Variants in NCKAP1 observed in about 807,000 individuals in gnomAD.
NCKAP1 encodes NCK associated protein 1.
NCKAP1 carries 21 observed loss-of-function variants against 151.2 expected under a neutral mutation model. That is an observed-to-expected ratio of 0.14 (90% CI 0.10 to 0.20). The LOEUF (loss-of-function observed/expected upper bound fraction) is 0.20. Ranked by LOEUF, NCKAP1 falls within the 10% of genes least tolerant of loss-of-function variation. The pLI is 1.00. For missense variants in NCKAP1, 933 were observed against 1,352.1 expected (o/e 0.69, Z 4.86); for synonymous variants, 484 against 451.8 (o/e 1.07, Z -0.90).
At chr2:182,931,810 T>C (rs1696770532) in intron 26 of NCKAP1, among the ~76,000 whole-genome samples, 1 of 152,126 alleles carries the variant, frequency 6.6e-6, no homozygotes, top group Non-Finnish European at 1.5e-5. Context: ...ATTTAAAATG[T>C]CAAAGGCTTT....
At chr2:183,017,380 C>T (rs1698712825) in intron 2 of NCKAP1, among the ~76,000 whole-genome samples, 1 of 152,150 alleles carries the variant, frequency 6.6e-6, no homozygotes. Flanking sequence ...ATGGTCCCAT[C>T]TGGGGGTGAT....
At chr2:183,011,841 A>G (rs1236282053) in intron 2 of NCKAP1, among the ~76,000 whole-genome samples, 1 of 152,210 alleles carries the variant, frequency 6.6e-6, no homozygotes, top group African/African-American at 2.4e-5. Context: ...AAAAGTACAG[A>G]TAAGTGAAGA....
chr2:182,969,917 C>A (rs140246369), intron 15 of NCKAP1, among the ~76,000 whole-genome samples: 1 of 150,954 alleles, frequency 6.6e-6, no homozygotes, highest in Non-Finnish European at 1.5e-5. Flanking sequence ...GAAAGAAGAC[C>A]CCAAAAAAAT....
Position 182,956,553 on chromosome 2 carries a change from A to C in NCKAP1, c.2062T>G (p.Ser688Ala), listed in dbSNP as rs746259459. 6.2e-7 allele frequency: 1 copy of C among 1,610,538 alleles called. No individual in the cohort carries two copies. Among genetic ancestry groups the C allele is most frequent in the Admixed American group, 1.7e-5 (1 of 59,594 alleles). ...ACCATGTTTGGTACATAATTTATAG[A>C]GAAGCATAACTCAGAAAGTGCAGTG... The part of the protein sequence containing the change: ...LHTALSELCF[S>A]INYVPNMVVW... The change falls in exon 20 of 31, where the codon TCT (serine) becomes GCT (alanine). Residue 688 changes from serine (S) to alanine (A), a missense_variant. Ser to Ala is a moderately conservative substitution (Grantham distance 99). Transcript: ENST00000361354.
At chr2:182,999,542 C>T (rs1698339010) in intron 6 of NCKAP1, among the ~76,000 whole-genome samples, 1 of 152,174 alleles carries the variant, frequency 6.6e-6, no homozygotes, top group African/African-American at 2.4e-5. Flanking sequence ...AATGCTTATA[C>T]ACTGTTGGTG....
rs1697590256 is a variant in NCKAP1, at chr2:182,967,242, C to T, written c.1602G>A (p.Val534=). Residue 534 remains valine (V), a synonymous_variant, in exon 16 of 31, where the codon GTG becomes GTA. Coordinates refer to ENST00000361354, the MANE Select transcript of NCKAP1 (RefSeq NM_013436.5). ...AAAATATGGAGAGATCTGATGTTTC[C>T]ACCAACATTTCCACCAAGGAATCTA... ...KMVDSLVEML[V]ETSDLSIFCF... is the part of the protein sequence containing the mutation. 6 of 1,608,976 alleles carry T rather than the reference C, an allele frequency of 3.7e-6. No individual in the cohort carries two copies. Among genetic ancestry groups the T allele is most frequent in the Non-Finnish European group, 4.2e-6 (5 of 1,178,556 alleles).
rs1575005881 is a variant in NCKAP1, at chr2:182,917,680, A to C, written c.*8022T>G. On this transcript the variant is annotated 3_prime_UTR_variant, in exon 31 of 31. Coordinates refer to ENST00000361354, the MANE Select transcript of NCKAP1 (RefSeq NM_013436.5). ...GTTGTATGTTCCAGTGTAGGATCTC[A>C]CTTCAACAGCTGCGTTACCTTCAGA... 6.6e-6 allele frequency: 1 copy of C among 152,272 alleles called. No homozygotes were observed. Among genetic ancestry groups the C allele is most frequent in the Admixed American group, 6.5e-5 (1 of 15,288 alleles). The allele number at this position is 152,272 out of a possible 1,614,324, so 9.4% of individuals were successfully genotyped here. A position where few individuals can be genotyped will look rare whatever the true frequency, so the allele number is the denominator to read the frequency against.
At chr2:182,927,971 C>T (rs1379463987) in intron 29 of NCKAP1, 146 bp downstream of exon 29, 1 of 551,602 alleles carries the variant, frequency 1.8e-6, no homozygotes, top group Non-Finnish European at 3.1e-6. Flanking sequence ...ATTCATATAC[C>T]TGAGAAAATA....
intron 23 of NCKAP1, among the ~76,000 whole-genome samples, chr2:182,946,794 C>A (rs1215260583): frequency 7.1e-6 from 1 of 141,478 alleles, no homozygotes. Flanking sequence ...GAAAAGTCAA[C>A]AAATTCCTGG....
chr2:183,026,848 A>G (rs1698907484), intron 1 of NCKAP1, among the ~76,000 whole-genome samples: 1 of 152,204 alleles, frequency 6.6e-6, no homozygotes, highest in South Asian at 2.1e-4. Flanking sequence ...TGCTCTAAAA[A>G]TGCTAGCTGC....
intron 1 of NCKAP1, among the ~76,000 whole-genome samples, chr2:183,036,803 G>C (rs1387670160): frequency 7.7e-6 from 1 of 130,062 alleles, no homozygotes; most frequent in Admixed American, 7.5e-5. Context: ...CAAACGCTTG[G>C]AAATGAATTT....
chr2:182,962,322 G>A, intron 17 of NCKAP1, 44 bp from the exon 18 acceptor site: 1 of 1,515,824 alleles, frequency 6.6e-7, no homozygotes, highest in Non-Finnish European at 9.0e-7. Context: ...TATAAAGAAA[G>A]TACGTTGAAT....
intron 2 of NCKAP1, among the ~76,000 whole-genome samples, chr2:183,019,197 C>A (rs1698749943): frequency 6.6e-6 from 1 of 152,120 alleles, no homozygotes; most frequent in African/African-American, 2.4e-5. Context: ...TAATTTTTAT[C>A]ATTTCCTCAT....
rs755841759 is a variant in NCKAP1 at position 182,921,774 on chromosome 2, C to A, written c.*3928G>T. 2.0e-5 allele frequency: 3 copies of A among 152,026 alleles called. No individual in the cohort carries two copies. Among genetic ancestry groups the A allele is most frequent in the Non-Finnish European group, 2.9e-5 (2 of 68,000 alleles). 9.4% of individuals were successfully genotyped at this position (152,026 alleles called of 1,614,324 possible). On this transcript the variant is annotated 3_prime_UTR_variant, in exon 31 of 31. Transcript: ENST00000361354. Reference sequence around the variant, plus strand: ...GTTTACTCTGGACAGTCAAGGACAGCGATGTGTAGGGAAAGTTTGGTTCAT... The same window carrying A: ...GTTTACTCTGGACAGTCAAGGACAGAGATGTGTAGGGAAAGTTTGGTTCAT...
chr2:182,933,135 A>G (rs1408161619), intron 26 of NCKAP1, among the ~76,000 whole-genome samples: 3 of 152,218 alleles, frequency 2.0e-5, no homozygotes, highest in South Asian at 2.1e-4. Context: ...AGAATCTAGG[A>G]ATGGTTCTTA....
chr2:182,925,650 G>A lies in NCKAP1; in HGVS notation c.*52C>T. On this transcript the variant is annotated 3_prime_UTR_variant, in exon 31 of 31. Coordinates refer to ENST00000361354, the MANE Select transcript of NCKAP1 (RefSeq NM_013436.5). ...AGGTAAAATAGTTCCACAGTCTACA[G>A]GTAAAACCAAGGCAACAAAAATGCG... is the stretch of plus-strand genomic sequence containing the variant. The A allele has an allele frequency of 5.5e-6, 6 of 1,085,678 alleles. No homozygotes were observed. The highest frequency in any genetic ancestry group is 8.0e-6 in the Non-Finnish European group (6 of 753,092). 67.3% of individuals were successfully genotyped at this position (1,085,678 alleles called of 1,614,324 possible). A position where few individuals can be genotyped will look rare whatever the true frequency, so the allele number is the denominator to read the frequency against.
chr2:182,926,726 A>C, intron 30 of NCKAP1, 90 bp downstream of exon 30: 1 of 879,654 alleles, frequency 1.1e-6, no homozygotes, highest in South Asian at 1.7e-5. Context: ...AGGGATCAAA[A>C]AAAGTATTCA....
chr2:182,927,917 C>T (rs1211351256), intron 29 of NCKAP1, among the ~76,000 whole-genome samples, 200 bp downstream of exon 29: 1 of 151,724 alleles, frequency 6.6e-6, no homozygotes, highest in East Asian at 1.9e-4. Flanking sequence ...CTGTTTCTCC[C>T]TCCAAAAAAG....
At chr2:183,025,009 G>T in intron 1 of NCKAP1, 1 of 1,610,698 alleles carries the variant, frequency 6.2e-7, no homozygotes, top group Non-Finnish European at 8.5e-7. Context: ...GGGAAGCATT[G>T]TAATAAAAAG....
Sources: allele counts gnomAD v4.1 joint callset (sites outside exome capture counted in the v4.1 genomes callset), GRCh38; gene constraint gnomAD v4.1.1; transcripts MANE v1.5; gene names NCBI Gene and HGNC (gene_info 2026-07-23, HGNC 2026-07-21).